The following STOM variants were observed in gnomAD, a reference collection of about 807,000 sequenced individuals.
STOM encodes erythrocyte band 7 integral membrane protein.
A neutral mutation model predicts 30.6 loss-of-function variants in STOM; 25 were observed. That is an observed-to-expected ratio of 0.82 (90% CI 0.60 to 1.14). The LOEUF is 1.14. STOM is among the 50% of genes most tolerant of loss of function. The pLI, the probability that STOM is intolerant of heterozygous loss-of-function variation, is 0.00. For synonymous variants in STOM, 118 were observed against 130.8 expected, an observed-to-expected ratio of 0.90 and a Z score of 0.67; for missense variants, 292 against 365.2, an observed-to-expected ratio of 0.80 and a Z score of 1.63.
At chr9:121,369,135 A>T (rs1488272587) in intron 1 of STOM, among the ~76,000 whole-genome samples, 1 of 152,202 alleles carries the variant, frequency 6.6e-6, no homozygotes, top group Non-Finnish European at 1.5e-5. Flanking sequence ...GAACACAGGG[A>T]TCCCTGGACA....
chr9:121,369,692 G>T (rs1488322584), intron 1 of STOM, among the ~76,000 whole-genome samples: 1 of 152,112 alleles, frequency 6.6e-6, no homozygotes, highest in Non-Finnish European at 1.5e-5. Context: ...TCACCCTGGG[G>T]CCAGGCCAGG....
At chr9:121,361,791 A>G (rs1413106950) in intron 1 of STOM, among the ~76,000 whole-genome samples, 1 of 152,156 alleles carries the variant, frequency 6.6e-6, no homozygotes, top group Non-Finnish European at 1.5e-5. Context: ...ATGGTCCCCA[A>G]CCTTTTTGGC....
chr9:121,367,067 G>A (rs532084278), intron 1 of STOM, among the ~76,000 whole-genome samples: 21 of 152,028 alleles, frequency 1.4e-4, no homozygotes, highest in Admixed American at 9.8e-4. Flanking sequence ...AGCAAGACCC[G>A]GTCTCAAAAA....
chr9:121,353,202 A>T lies in STOM; in HGVS notation c.321+18T>A. ...CACTTTCACATATGATACCTCAGTT[A>T]TTCAAAGAAAACCTTACCTCCTGAG... On this transcript the variant is annotated intron_variant, in intron 4 of 6. Transcript: ENST00000286713. 1 of 1,541,408 alleles carries T rather than the reference A, an allele frequency of 6.5e-7. No homozygotes were observed. The highest frequency in any genetic ancestry group is 8.9e-7 in the Non-Finnish European group (1 of 1,120,742).
At chr9:121,355,246 A>T (rs1289777984) in intron 2 of STOM, among the ~76,000 whole-genome samples, 5 of 147,744 alleles carry the variant, frequency 3.4e-5, no homozygotes, top group East Asian at 2.0e-4. Flanking sequence ...AAAAAAAAAA[A>T]AAAATAATAA....
At chr9:121,350,940 T>C (rs2064333500) in intron 4 of STOM, among the ~76,000 whole-genome samples, 1 of 152,212 alleles carries the variant, frequency 6.6e-6, no homozygotes, top group African/African-American at 2.4e-5. Context: ...AACTAATTAT[T>C]TCCCATGACA....
chr9:121,363,134 T>C (rs2064469892), intron 1 of STOM, among the ~76,000 whole-genome samples: 1 of 152,238 alleles, frequency 6.6e-6, no homozygotes, highest in African/African-American at 2.4e-5. Context: ...AAGGAATTAC[T>C]GAAATACCTA....
rs1156937416 is a variant in STOM at position 121,357,424 on chromosome 9, G to GATATATATATATATAT, written c.62-1284_62-1269dup. On this transcript the variant is annotated intron_variant, in intron 1 of 6. Coordinates refer to ENST00000286713, the MANE Select transcript of STOM (RefSeq NM_004099.6). Reference sequence around the variant, plus strand: ...TAGTGTACACACCATATTTTTAAATGATATATATATATATATTTATTTATT... The same window carrying GATATATATATATATAT: ...TAGTGTACACACCATATTTTTAAATGATATATATATATATATATATATATATATATATTTATTTATT... 6.8e-4 allele frequency among the ~76,000 whole-genome samples: 65 copies of GATATATATATATATAT among 95,424 alleles called. 3 individuals carry two copies. In the East Asian group the frequency reaches 9.8e-3, roughly 14 times the overall value. 62.6% of individuals were successfully genotyped at this position (95,424 alleles called of 152,430 possible). A position where few individuals can be genotyped will look rare whatever the true frequency, so the allele number is the denominator to read the frequency against.
At chr9:121,358,923 T>C (rs1271419765) in intron 1 of STOM, among the ~76,000 whole-genome samples, 1 of 152,208 alleles carries the variant, frequency 6.6e-6, no homozygotes, top group African/African-American at 2.4e-5. Flanking sequence ...GCTATCATTC[T>C]GCAATTGCTT....
At chr9:121,349,020 AC>A (rs2064314616) in intron 5 of STOM, 99 bp downstream of exon 5, 1 of 1,351,982 alleles carries the variant, frequency 7.4e-7, no homozygotes, top group Non-Finnish European at 1.0e-6. Flanking sequence ...ACGGTCACAG[AC>A]CCCCACAACT....
Position 121,341,108 on chromosome 9 carries a change from A to C in STOM, c.*94T>G. 6.3e-7 allele frequency: 1 copy of C among 1,582,012 alleles called. No homozygotes were observed. Among genetic ancestry groups the C allele is most frequent in the East Asian group, 2.2e-5 (1 of 44,456 alleles). ...ACATTCTGGGAACACCACAATTGAC[A>C]TATGGAAAAAGAAAAGCCCTACCCT... On this transcript the variant is annotated 3_prime_UTR_variant, in exon 7 of 7. Transcript: ENST00000286713.
intron 1 of STOM, among the ~76,000 whole-genome samples, chr9:121,360,982 G>GA (rs2064445712): frequency 6.6e-6 from 1 of 152,154 alleles, no homozygotes; most frequent in Admixed American, 6.5e-5. Flanking sequence ...ACTTTAAAAT[G>GA]AAAGTATCCT....
intron 1 of STOM, 110 bp downstream of exon 1, chr9:121,370,017 C>T: frequency 1.4e-5 from 15 of 1,065,646 alleles, no homozygotes; most frequent in Non-Finnish European, 2.0e-5. Flanking sequence ...GAGATCTCGC[C>T]CAGCCCGAAG....
At chr9:121,368,048 T>G (rs776303395) in intron 1 of STOM, among the ~76,000 whole-genome samples, 1 of 152,214 alleles carries the variant, frequency 6.6e-6, no homozygotes, top group African/African-American at 2.4e-5. Context: ...GTAAAGCACT[T>G]AAACTGTCTT....
intron 1 of STOM, among the ~76,000 whole-genome samples, chr9:121,356,707 G>A (rs550591687): frequency 6.6e-6 from 1 of 152,328 alleles, no homozygotes; most frequent in Non-Finnish European, 1.5e-5. Context: ...TGGAGGCTGG[G>A]CGTCGTGGCT....
intron 4 of STOM, among the ~76,000 whole-genome samples, chr9:121,349,848 T>A (rs1398358245): frequency 1.3e-5 from 2 of 152,214 alleles, no homozygotes; most frequent in African/African-American, 2.4e-5. Flanking sequence ...TTTTACAGCA[T>A]GCTACATAAA....
intron 6 of STOM, 21 bp downstream of exon 6, chr9:121,347,994 C>G (rs781285312): frequency 2.5e-6 from 4 of 1,582,740 alleles, no homozygotes; most frequent in Non-Finnish European, 3.4e-6. Context: ...GTAAGAAAAA[C>G]AAGTTTAAAA....
intron 6 of STOM, among the ~76,000 whole-genome samples, chr9:121,346,706 C>G (rs1414065547): frequency 4.6e-5 from 7 of 152,168 alleles, no homozygotes; most frequent in Non-Finnish European, 4.4e-5. Flanking sequence ...TGTAGTACTA[C>G]CAGGTTATCA....
intron 2 of STOM, 121 bp downstream of exon 2, chr9:121,355,932 A>G (rs2064384805): frequency 4.8e-6 from 3 of 619,144 alleles, no homozygotes; most frequent in African/African-American, 3.8e-5. Context: ...AGATGAAGAA[A>G]TAAGAATTAT....
Sources: allele counts gnomAD v4.1 joint callset (sites outside exome capture counted in the v4.1 genomes callset), GRCh38; gene constraint gnomAD v4.1.1; transcripts MANE v1.5; gene names NCBI Gene and HGNC (gene_info 2026-07-23, HGNC 2026-07-21).